FRMD4A: variants seen among roughly 807,000 people sequenced by gnomAD.
FRMD4A encodes FERM domain containing 4A, also known as FERM domain-containing protein 4A.
Under a neutral mutation model 129.1 loss-of-function variants are expected in FRMD4A, and 29 were observed. That is an observed-to-expected ratio of 0.22 (90% CI 0.17 to 0.31). The LOEUF (loss-of-function observed/expected upper bound fraction) is 0.31, where lower values mean the gene tolerates loss of function less well. Among genes scored for constraint, FRMD4A ranks in the 10% least tolerant of loss-of-function variants. The pLI is 1.00. For missense variants in FRMD4A, 1,272 were observed against 1,375.8 expected (o/e 0.92, Z 1.19); for synonymous variants, 634 against 571.6 (o/e 1.11, Z -1.56).
chr10:13,843,141 A>G (rs181220431), intron 3 of FRMD4A, among the ~76,000 whole-genome samples: 1 of 152,286 alleles, frequency 6.6e-6, no homozygotes, highest in Admixed American at 6.5e-5. Flanking sequence ...TTAATCCAAC[A>G]TGCAGTACCA....
At chr10:13,933,022 G>A (rs760059614) in intron 2 of FRMD4A, among the ~76,000 whole-genome samples, 40 of 152,190 alleles carry the variant, frequency 2.6e-4, no homozygotes, top group Admixed American at 5.9e-4. Flanking sequence ...TTAGTCAGGC[G>A]TGGTGGCAGT....
At chr10:14,092,733 T>G (rs994448047) in intron 2 of FRMD4A, among the ~76,000 whole-genome samples, 1 of 152,222 alleles carries the variant, frequency 6.6e-6, no homozygotes, top group Admixed American at 6.5e-5. Context: ...CACAGGCATG[T>G]GGCTGGCACT....
chr10:14,129,589 G>A (rs1839134212), intron 2 of FRMD4A, among the ~76,000 whole-genome samples: 1 of 151,650 alleles, frequency 6.6e-6, no homozygotes, highest in African/African-American at 2.4e-5. Context: ...GCCCGCCCCT[G>A]GAAACAGAGG....
At chr10:13,985,225 G>A (rs1312381224) in intron 2 of FRMD4A, among the ~76,000 whole-genome samples, 2 of 152,218 alleles carry the variant, frequency 1.3e-5, no homozygotes, top group Non-Finnish European at 2.9e-5. Context: ...TGGCCCCTAG[G>A]CCCCAGCCTC....
intron 2 of FRMD4A, among the ~76,000 whole-genome samples, chr10:14,193,587 T>C (rs899081975): frequency 1.3e-5 from 2 of 151,476 alleles, no homozygotes; most frequent in Admixed American, 6.6e-5. Context: ...TACAATTTAG[T>C]TGGGCAAAGA....
At chr10:14,209,929 T>C (rs1237274385) in intron 2 of FRMD4A, among the ~76,000 whole-genome samples, 1 of 151,844 alleles carries the variant, frequency 6.6e-6, no homozygotes, top group African/African-American at 2.4e-5. Context: ...GAGGAAGCCA[T>C]GTGAAGATGG....
At chr10:13,971,788 C>T (rs1214778569) in intron 2 of FRMD4A, 2 of 1,304,204 alleles carry the variant, frequency 1.5e-6, no homozygotes, top group African/African-American at 1.5e-5. Context: ...AGCCAAGCAG[C>T]CCAGCAGCCA....
chr10:14,012,630 G>A (rs1163780258), intron 2 of FRMD4A, among the ~76,000 whole-genome samples: 1 of 152,190 alleles, frequency 6.6e-6, no homozygotes, highest in Non-Finnish European at 1.5e-5. Flanking sequence ...CAGACTCATA[G>A]ATGAAGCCAG....
chr10:13,882,476 A>G (rs985929009), intron 2 of FRMD4A, among the ~76,000 whole-genome samples: 9 of 152,352 alleles, frequency 5.9e-5, no homozygotes, highest in Middle Eastern at 3.4e-3. Context: ...GGGACCAGTA[A>G]TCACAAAGGG....
chr10:14,268,478 C>T (rs1564428947), intron 2 of FRMD4A, among the ~76,000 whole-genome samples: 1 of 152,174 alleles, frequency 6.6e-6, no homozygotes, highest in Non-Finnish European at 1.5e-5. Context: ...CTAAACAGTG[C>T]AAATGTAATA....
At chr10:13,664,748 T>C (rs898482071) in intron 18 of FRMD4A, among the ~76,000 whole-genome samples, 3 of 151,990 alleles carry the variant, frequency 2.0e-5, no homozygotes, top group African/African-American at 7.3e-5. Flanking sequence ...TTGCCCAGAC[T>C]GGCACGCATG....
chr10:14,064,992 C>T (rs1344464050), intron 2 of FRMD4A, among the ~76,000 whole-genome samples: 4 of 152,172 alleles, frequency 2.6e-5, no homozygotes, highest in Non-Finnish European at 5.9e-5. Context: ...TGCCACCACA[C>T]ATTTATTGAC....
At chr10:14,038,589 C>T (rs978289437) in intron 2 of FRMD4A, among the ~76,000 whole-genome samples, 5 of 152,108 alleles carry the variant, frequency 3.3e-5, no homozygotes, top group African/African-American at 4.8e-5. Flanking sequence ...GATCAGATGT[C>T]GACTGCATAA....
At chr10:13,911,132 A>T (rs1192322771) in intron 2 of FRMD4A, among the ~76,000 whole-genome samples, 1 of 152,198 alleles carries the variant, frequency 6.6e-6, no homozygotes, top group Admixed American at 6.5e-5. Flanking sequence ...TCCTGACTAC[A>T]GCTTTGAAAA....
chr10:13,796,824 G>A (rs564083541), intron 4 of FRMD4A, among the ~76,000 whole-genome samples: 4 of 152,196 alleles, frequency 2.6e-5, no homozygotes, highest in South Asian at 2.1e-4. Context: ...GGGTTTAAGC[G>A]ATTCCCTGCC....
chr10:14,226,842 C>T (rs975538826), intron 2 of FRMD4A, among the ~76,000 whole-genome samples: 6 of 152,132 alleles, frequency 3.9e-5, no homozygotes, highest in Admixed American at 1.3e-4. Context: ...TCTCCTGGTC[C>T]GCTTTACTGC....
chr10:13,836,022 G>C (rs1016748029), intron 3 of FRMD4A, among the ~76,000 whole-genome samples: 1 of 152,218 alleles, frequency 6.6e-6, no homozygotes, highest in Non-Finnish European at 1.5e-5. Context: ...TTTTGAGATG[G>C]AGTCTTACTC....
chr10:13,707,257 G>GAC lies in FRMD4A; in HGVS notation c.760-146_760-145dup, dbSNP rs377738435. On this transcript the variant is annotated intron_variant, in intron 12 of 24. Coordinates refer to ENST00000357447, the MANE Select transcript of FRMD4A (RefSeq NM_018027.5). ...TCTGTGCCTCCTCCGCCTCTTGCTT[G>GAC]ACACACACACACACATACACACACA... 2,394 of 738,606 alleles carry GAC rather than the reference G, an allele frequency of 3.2e-3. 35 individuals carry two copies. In the African/African-American group the frequency reaches 0.035, roughly 11 times the overall value. The allele number at this position is 738,606 out of a possible 1,614,324, so 45.8% of individuals were successfully genotyped here. A position where few individuals can be genotyped will look rare whatever the true frequency, so the allele number is the denominator to read the frequency against.
intron 6 of FRMD4A, among the ~76,000 whole-genome samples, chr10:13,771,029 T>G (rs1184825012): frequency 6.6e-6 from 1 of 151,964 alleles, no homozygotes; most frequent in Non-Finnish European, 1.5e-5. Flanking sequence ...TCAACAAGAG[T>G]GATAGCATTT....
Sources: gnomAD v4.1 joint callset for allele counts (sites outside exome capture counted in the v4.1 genomes callset) on GRCh38, gnomAD v4.1.1 for gene constraint, MANE v1.5 for transcripts, NCBI Gene and HGNC (gene_info 2026-07-23, HGNC 2026-07-21) for gene names.